The following NRXN3 variants were observed in gnomAD, a reference collection of about 807,000 sequenced individuals.
The protein encoded by NRXN3 is neurexin III.
A neutral mutation model predicts 137.6 loss-of-function variants in NRXN3; 32 were observed. That is an observed-to-expected ratio of 0.23 (90% CI 0.18 to 0.31). NRXN3 has a LOEUF of 0.31. Ranked by LOEUF, NRXN3 falls within the 10% of genes least tolerant of loss-of-function variation. NRXN3 has a pLI of 1.00. For synonymous variants in NRXN3, 798 were observed against 784.5 expected (o/e 1.02, Z -0.29); for missense variants, 1,574 against 2,062.5 (o/e 0.76, Z 4.59).
chr14:78,377,260 A>C (rs772570851), intron 4 of NRXN3, among the ~76,000 whole-genome samples: 2 of 152,210 alleles, frequency 1.3e-5, no homozygotes, highest in Non-Finnish European at 2.9e-5. Context: ...AATAGGAGTG[A>C]TGATATTAAT....
intron 1 of NRXN3, among the ~76,000 whole-genome samples, chr14:78,205,221 G>A (rs549437698): frequency 3.1e-4 from 47 of 152,250 alleles, no homozygotes; most frequent in Non-Finnish European, 6.6e-4. Context: ...ATGTGTTTAA[G>A]TATTTCTGAC....
intron 15 of NRXN3, among the ~76,000 whole-genome samples, chr14:79,088,663 A>C (rs1218100020): frequency 6.6e-6 from 1 of 152,158 alleles, no homozygotes; most frequent in Non-Finnish European, 1.5e-5. Context: ...AGTTTGTATA[A>C]AAAAGAGGGT....
chr14:78,778,776 CTTTCTTTCTTTCTTTCTT>C (rs2098756511), intron 8 of NRXN3, among the ~76,000 whole-genome samples: 1 of 102,610 alleles, frequency 9.7e-6, no homozygotes, highest in Admixed American at 1.0e-4. Flanking sequence ...TTCTTTCTTT[CTTTCTTTCTTTCTTTCTT>C]TCTTTCTTTC....
Position 78,422,152 on chromosome 14 carries a change from A to T in NRXN3, c.757+124292A>T, listed in dbSNP as rs562500424. 2.0e-5 allele frequency among the ~76,000 whole-genome samples: 3 copies of T among 152,254 alleles called. No homozygotes were observed. The South Asian group carries it at 6.2e-4, about 32-fold the overall frequency. ...TAGCCAAGGCCACTGCTGGACTTGC[A>T]CTTCTGCCTTTCTCCTGGGGGTCAC... is the stretch of plus-strand genomic sequence containing the variant. On this transcript the variant is annotated intron_variant, in intron 4 of 20. Coordinates refer to ENST00000335750, the MANE Select transcript of NRXN3 (RefSeq NM_001330195.2).
chr14:78,359,584 C>T (rs1048693403), intron 4 of NRXN3, among the ~76,000 whole-genome samples: 2 of 152,172 alleles, frequency 1.3e-5, no homozygotes, highest in African/African-American at 2.4e-5. Context: ...ATATAAGAAA[C>T]ACTCCTTGCA....
At chr14:79,001,498 G>A (rs1277190377) in intron 15 of NRXN3, among the ~76,000 whole-genome samples, 1 of 152,132 alleles carries the variant, frequency 6.6e-6, no homozygotes, top group Non-Finnish European at 1.5e-5. Flanking sequence ...GCTGTCACTA[G>A]CACATTCTGT....
chr14:78,730,686 T>G (rs1244201021), intron 8 of NRXN3, among the ~76,000 whole-genome samples: 2 of 152,182 alleles, frequency 1.3e-5, no homozygotes, highest in African/African-American at 4.8e-5. Context: ...TTGTCTAACC[T>G]GGAAGTCATC....
intron 20 of NRXN3, among the ~76,000 whole-genome samples, chr14:79,809,019 G>A (rs2099221767): frequency 6.6e-6 from 1 of 152,104 alleles, no homozygotes; most frequent in African/African-American, 2.4e-5. Flanking sequence ...AGTTTTCACG[G>A]TATATTTTTG....
intron 4 of NRXN3, among the ~76,000 whole-genome samples, chr14:78,470,413 AGAG>A (rs1482588755): frequency 3.9e-5 from 6 of 152,062 alleles, no homozygotes; most frequent in Non-Finnish European, 7.4e-5. Context: ...TATTATACTT[AGAG>A]GAGAAGTTGG....
At chr14:78,867,460 A>G (rs1456220960) in intron 10 of NRXN3, among the ~76,000 whole-genome samples, 1 of 152,168 alleles carries the variant, frequency 6.6e-6, no homozygotes, top group Non-Finnish European at 1.5e-5. Flanking sequence ...TTTAATTTTA[A>G]TTTTCAGTGC....
intron 19 of NRXN3, among the ~76,000 whole-genome samples, chr14:79,780,444 CA>C (rs11463667): frequency 1.4e-5 from 2 of 146,544 alleles, no homozygotes; most frequent in African/African-American, 2.5e-5. Flanking sequence ...ACTAAAAATA[CA>C]AAAAAAAAAC....
At chr14:78,259,798 C>T (rs1243154027) in intron 2 of NRXN3, among the ~76,000 whole-genome samples, 1 of 152,098 alleles carries the variant, frequency 6.6e-6, no homozygotes, top group Non-Finnish European at 1.5e-5. Context: ...ATCAGTTTTC[C>T]AGGAATTTCA....
At chr14:78,409,578 T>C (rs966273057) in intron 4 of NRXN3, among the ~76,000 whole-genome samples, 3 of 152,214 alleles carry the variant, frequency 2.0e-5, no homozygotes, top group Non-Finnish European at 2.9e-5. Context: ...CCTCTTGATA[T>C]GAATTTAGCA....
chr14:78,676,567 A>G lies in NRXN3; in HGVS notation c.1221+25241A>G, dbSNP rs74985160. On this transcript the variant is annotated intron_variant, in intron 6 of 20. Coordinates refer to ENST00000335750, the MANE Select transcript of NRXN3 (RefSeq NM_001330195.2). ...TCAAAAAAGCCATCTCCATAACATA[A>G]TAGTGCAAATTGAAGCAGCAAGTGC... Among the ~76,000 whole-genome samples, 1,298 of 152,294 alleles carry G rather than the reference A, an allele frequency of 8.5e-3. 11 individuals carry two copies. The highest frequency in any genetic ancestry group is 0.011 in the African/African-American group (447 of 41,564).
chr14:79,410,215 G>C (rs992338374), intron 15 of NRXN3, among the ~76,000 whole-genome samples: 2 of 151,342 alleles, frequency 1.3e-5, no homozygotes, highest in African/African-American at 4.9e-5. Flanking sequence ...ACACACACAC[G>C]TGCATACTCT....
At chr14:79,358,645 G>GAAAA (rs1555397595) in intron 15 of NRXN3, among the ~76,000 whole-genome samples, 5 of 150,730 alleles carry the variant, frequency 3.3e-5, no homozygotes, top group African/African-American at 4.9e-5. Flanking sequence ...AAGAAAGAAA[G>GAAAA]AAAGAAAGAA....
intron 19 of NRXN3, among the ~76,000 whole-genome samples, chr14:79,803,194 T>C (rs1303409778): frequency 1.3e-5 from 2 of 151,996 alleles, no homozygotes; most frequent in Admixed American, 6.6e-5. Flanking sequence ...TCTAATGTGG[T>C]TTTTCCAGTT....
intron 10 of NRXN3, among the ~76,000 whole-genome samples, chr14:78,843,749 A>ATTAGT (rs2099019158): frequency 6.6e-6 from 1 of 152,114 alleles, no homozygotes; most frequent in African/African-American, 2.4e-5. Context: ...TTGCTTTAGT[A>ATTAGT]TTAGTTGAAA....
At chr14:78,299,297 A>G (rs1567199540) in intron 4 of NRXN3, among the ~76,000 whole-genome samples, 2 of 152,310 alleles carry the variant, frequency 1.3e-5, no homozygotes, top group African/African-American at 2.4e-5. Context: ...TATGAGGTGG[A>G]CATGAGTAGG....
Sources: gnomAD v4.1 joint callset for allele counts (sites outside exome capture counted in the v4.1 genomes callset) on GRCh38, gnomAD v4.1.1 for gene constraint, MANE v1.5 for transcripts, NCBI Gene and HGNC (gene_info 2026-07-23, HGNC 2026-07-21) for gene names.